The following DMTN variants were observed in gnomAD, a reference collection of about 807,000 sequenced individuals.
The protein encoded by DMTN is dematin actin binding protein.
In DMTN, 27 loss-of-function variants were observed where a neutral mutation model predicts 59.4. The observed-to-expected ratio is 0.45, with a 90% CI of 0.33 to 0.63. The LOEUF (loss-of-function observed/expected upper bound fraction) is 0.63, where lower values mean the gene tolerates loss of function less well. Ranked by LOEUF, DMTN falls within the 20% of genes least tolerant of loss-of-function variation. The pLI is 0.02. For missense variants in DMTN, 451 were observed against 528.9 expected, an observed-to-expected ratio of 0.85 and a Z score of 1.45; for synonymous variants, 221 against 203.7, an observed-to-expected ratio of 1.08 and a Z score of -0.72.
rs537441986 is a variant in DMTN, at chr8:22,058,726, C to T, written c.-172+1590C>T. Among the ~76,000 whole-genome samples the T allele has an allele frequency of 6.6e-6, 1 of 152,216 alleles. No individual in the cohort carries two copies. The highest frequency in any genetic ancestry group is 1.9e-4 in the East Asian group (1 of 5,154). On this transcript the variant is annotated intron_variant, in intron 1 of 15. Coordinates refer to ENST00000358242, the MANE Select transcript of DMTN (RefSeq NM_001387751.1). This position sits in a 1 kb window ranked among gnomAD's most constrained non-coding sequence, Gnocchi z 4.3. ...CCTGTAGTGCTGGGTTAGGGGAACC[C>T]TCATCCCAGCAGACACAACGGTAAA...
In DMTN at chr8:22,066,883, G is replaced by A; in HGVS notation, c.8G>A (p.Arg3Gln). Reference protein sequence around the residue: MERLQKQPLTSPG... With the variant: MEQLQKQPLTSPG... Reference sequence around the variant, plus strand: ...GGGCGAGCTCCGTGCTGCATGGAACGGCTGCAGAAGGTGCGCGGCGCCGCC... The same window carrying A: ...GGGCGAGCTCCGTGCTGCATGGAACAGCTGCAGAAGGTGCGCGGCGCCGCC... Residue 3 changes from arginine (R) to glutamine (Q), a missense_variant, in exon 2 of 16, where the codon CGG (arginine) becomes CAG (glutamine). By Grantham distance (43) the Arg-to-Gln change is conservative. Transcript: ENST00000358242. 1.5e-6 allele frequency: 2 copies of A among 1,308,864 alleles called. No individual in the cohort carries two copies. The allele number at this position is 1,308,864 out of a possible 1,614,324, so 81.1% of individuals were successfully genotyped here.
chr8:22,064,123 T>G (rs549368441), intron 1 of DMTN, among the ~76,000 whole-genome samples: 112 of 152,062 alleles, frequency 7.4e-4, no homozygotes, highest in Non-Finnish European at 1.1e-3. Flanking sequence ...GATGGATGGA[T>G]AGATGCAGGA....
chr8:22,062,374 A>G (rs1807210334), intron 1 of DMTN, among the ~76,000 whole-genome samples: 1 of 152,156 alleles, frequency 6.6e-6, no homozygotes, highest in South Asian at 2.1e-4. Context: ...TTGGGGTTAT[A>G]GGCATAAGCC....
intron 4 of DMTN, 43 bp downstream of exon 4, chr8:22,067,725 C>A (rs1029250496): frequency 6.2e-7 from 1 of 1,604,794 alleles, no homozygotes; most frequent in Non-Finnish European, 8.5e-7. Flanking sequence ...GGAGGCCCCC[C>A]CCAGCCACAC....
At chr8:22,075,200 A>AAAG (rs1460165493) in intron 10 of DMTN, among the ~76,000 whole-genome samples, 17 of 150,346 alleles carry the variant, frequency 1.1e-4, no homozygotes, top group African/African-American at 3.9e-4. Flanking sequence ...AAAAAAAAAA[A>AAAG]GAAAAAAGCC....
Position 22,080,512 on chromosome 8 carries a change from C to T in DMTN, c.949+52C>T, listed in dbSNP as rs1421191995. 1.9e-6 allele frequency: 3 copies of T among 1,614,006 alleles called. No homozygotes were observed. In the Admixed American group the frequency reaches 5.0e-5, roughly 27 times the overall value. Reference sequence around the variant, plus strand: ...TCTGGAGAAGGGGCTTACACAGGTCCCTGGGCAGCCGGGGTCTGGGCTGTG... The same window carrying T: ...TCTGGAGAAGGGGCTTACACAGGTCTCTGGGCAGCCGGGGTCTGGGCTGTG... On this transcript the variant is annotated intron_variant, in intron 12 of 15. Transcript: ENST00000358242.
At chr8:22,054,578 A>T (rs543164196), upstream of DMTN, among the ~76,000 whole-genome samples, 9 of 152,258 alleles carry the variant, frequency 5.9e-5, no homozygotes, top group South Asian at 1.9e-3. Context: ...CGAGCTCCAC[A>T]CTGGGCTTCC....
chr8:22,071,853 T>C (rs557796596), intron 8 of DMTN, among the ~76,000 whole-genome samples: 18 of 152,316 alleles, frequency 1.2e-4, no homozygotes, highest in Non-Finnish European at 2.1e-4. Flanking sequence ...GTGCTGGGAT[T>C]ACAGGCGTGA....
At chr8:22,062,530 G>A (rs1426142694) in intron 1 of DMTN, among the ~76,000 whole-genome samples, 4 of 152,010 alleles carry the variant, frequency 2.6e-5, no homozygotes, top group Admixed American at 1.3e-4. Context: ...AGTCTTTCCT[G>A]TCTACCGTTC....
intron 4 of DMTN, 110 bp downstream of exon 4, chr8:22,067,792 C>G: frequency 7.5e-7 from 1 of 1,328,140 alleles, no homozygotes; most frequent in Non-Finnish European, 1.0e-6. Context: ...CTCGGCAAAA[C>G]AAGAGAGGGA....
rs1195441031 is a variant in DMTN, at chr8:22,073,788, T to C, written c.788T>C (p.Ile263Thr). 2 of 1,614,082 alleles carry C rather than the reference T, an allele frequency of 1.2e-6. No individual in the cohort carries two copies. Among genetic ancestry groups the C allele is most frequent in the South Asian group, 1.1e-5 (1 of 91,078 alleles). ...LKEEMEKSLP[I>T]RRKTRSLPDR... ...GAAGAGATGGAAAAGTCATTGCCGA[T>C]CCGAAGGAAAACCCGCTCTCTGCCT... Residue 263 changes from isoleucine to threonine, a missense_variant, in exon 10 of 16, where the codon ATC becomes ACC. Physicochemically the swap from Ile to Thr is moderately conservative, Grantham distance 89 (BLOSUM62 -1). Coordinates refer to ENST00000358242, the MANE Select transcript of DMTN (RefSeq NM_001387751.1).
At chr8:22,072,501 G>T in intron 9 of DMTN, 51 bp downstream of exon 9, 3 of 1,492,550 alleles carry the variant, frequency 2.0e-6, no homozygotes, top group Non-Finnish European at 2.7e-6. Context: ...GTCTCGCTCT[G>T]TTGCCCAGGC....
At chr8:22,067,805 T>C (rs1256667226) in intron 4 of DMTN, 123 bp downstream of exon 4, 14 of 1,196,548 alleles carry the variant, frequency 1.2e-5, no homozygotes, top group Non-Finnish European at 1.4e-5. Flanking sequence ...GAGAGGGAAC[T>C]GTGCGCAGGA....
At position 22,056,817 on chromosome 8, in the gene DMTN, C is replaced by A. The variant is rs565227768; in HGVS notation, c.-491C>A. The A allele has an allele frequency of 7.1e-6, 1 of 141,368 alleles. No individual in the cohort carries two copies. The highest frequency in any genetic ancestry group is 1.5e-5 in the Non-Finnish European group (1 of 65,134). The allele number at this position is 141,368 out of a possible 1,614,324, so 8.8% of individuals were successfully genotyped here. Reference sequence around the variant, plus strand: ...GCCCGCCCGCCCTCCCGCCCCCAGACGAGGACTCCCCAGCACCGGGGGATC... The same window carrying A: ...GCCCGCCCGCCCTCCCGCCCCCAGAAGAGGACTCCCCAGCACCGGGGGATC... On this transcript the variant is annotated 5_prime_UTR_variant, in exon 1 of 16. Coordinates refer to ENST00000358242, the MANE Select transcript of DMTN (RefSeq NM_001387751.1).
In DMTN at chr8:22,056,850, CCGTGCG is replaced by C. The variant is rs1802864094; in HGVS notation, c.-457_-452del. The C allele has an allele frequency of 7.1e-6, 1 of 141,824 alleles. No homozygotes were observed. Among genetic ancestry groups the C allele is most frequent in the East Asian group, 2.3e-4 (1 of 4,306 alleles). The allele number at this position is 141,824 out of a possible 1,614,324, so 8.8% of individuals were successfully genotyped here. On this transcript the variant is annotated 5_prime_UTR_variant, in exon 1 of 16. Coordinates refer to ENST00000358242, the MANE Select transcript of DMTN (RefSeq NM_001387751.1). ...CCCCAGCACCGGGGGATCCAGGCGG[CCGTGCG>C]TTGCAGAGAAGCAGGGTGGGGGCAA...
chr8:22,049,285 G>C (rs1801077763), upstream of DMTN: 1 of 151,060 alleles, frequency 6.6e-6, no homozygotes, highest in Non-Finnish European at 1.5e-5. Flanking sequence ...GGGGCGAGAA[G>C]GCGTCCCCTG....
rs776130595 is a variant in DMTN at position 22,080,195 on chromosome 8, C to T, written c.851C>T (p.Thr284Met). Residue 284 changes from threonine (T) to methionine (M), a missense_variant, in exon 11 of 16, where the codon ACG (threonine) becomes ATG (methionine). By Grantham distance (81) the Thr-to-Met change is moderately conservative. Coordinates refer to ENST00000358242, the MANE Select transcript of DMTN (RefSeq NM_001387751.1). Reference protein sequence around the residue: ...TPFHTSLHQGTSKSSSLPAYG... With the variant: ...TPFHTSLHQGMSKSSSLPAYG... ...TGTCTTCCAGCCTTGCACCAGGGAA[C>T]GTCTAAATCTTCCTCTCTCCCCGCC... The T allele has an allele frequency of 1.2e-6, 2 of 1,614,214 alleles. No homozygotes were observed. Among genetic ancestry groups the T allele is most frequent in the Non-Finnish European group, 1.7e-6 (2 of 1,180,046 alleles).
chr8:22,080,975 G>T, intron 14 of DMTN, 105 bp downstream of exon 14: 2 of 1,488,266 alleles, frequency 1.3e-6, no homozygotes, highest in South Asian at 2.5e-5. Context: ...AGATGGGAGG[G>T]ATGGCAGGGA....
At chr8:22,065,286 G>C in intron 1 of DMTN, among the ~76,000 whole-genome samples, 1 of 152,118 alleles carries the variant, frequency 6.6e-6, no homozygotes, top group Non-Finnish European at 1.5e-5. Flanking sequence ...CTCTCTCCTT[G>C]GCCTCCCACA....
Sources: allele counts gnomAD v4.1 joint callset (sites outside exome capture counted in the v4.1 genomes callset), GRCh38; gene constraint gnomAD v4.1.1; non-coding constraint Gnocchi (gnomAD v3.1); transcripts MANE v1.5; gene names NCBI Gene and HGNC (gene_info 2026-07-23, HGNC 2026-07-21).